RADX: variants seen among roughly 807,000 people sequenced by gnomAD.
RADX encodes the protein RPA1 related single stranded DNA binding protein, X-linked.
RADX carries 36 observed loss-of-function variants against 61.6 expected under a neutral mutation model. The ratio of observed to expected loss-of-function variants is 0.58; its 90% CI spans 0.45 to 0.77. The LOEUF (loss-of-function observed/expected upper bound fraction) is 0.77. Among genes scored for constraint, RADX ranks in the 30% least tolerant of loss-of-function variants. The pLI is 0.00. For missense variants in RADX, 497 were observed against 651.1 expected (o/e 0.76, Z 2.58); for synonymous variants, 272 against 237.9 (o/e 1.14, Z -1.32).
intron 11 of RADX, among the ~76,000 whole-genome samples, chrX:106,654,099 G>A (rs191376460): frequency 7.0e-4 from 78 of 111,352 alleles, no homozygotes; most frequent in African/African-American, 2.4e-3. Context: ...CTAGATCCTT[G>A]AGGAATCACC....
intron 1 of RADX, 100 bp from the exon 2 acceptor site, chrX:106,622,550 CT>C: frequency 5.6e-6 from 4 of 716,409 alleles, no homozygotes; most frequent in Non-Finnish European, 8.4e-6. Flanking sequence ...GAAGGAGTCA[CT>C]TTAGGTATGA....
intron 11 of RADX, among the ~76,000 whole-genome samples, chrX:106,653,418 T>C (rs1300398781): frequency 9.6e-6 from 1 of 103,947 alleles, no homozygotes; most frequent in Non-Finnish European, 1.9e-5. Flanking sequence ...TGAAGGTAGA[T>C]TGTAGTAAAT....
chrX:106,648,470 A>C, intron 11 of RADX, 84 bp downstream of exon 11: 1 of 622,867 alleles, frequency 1.6e-6, no homozygotes, highest in Non-Finnish European at 2.6e-6. Context: ...ACTAAGCACA[A>C]GTAATACATG....
At position 106,678,308 on chromosome X, in the gene RADX, G is replaced by A. The variant is rs778838421; in HGVS notation, c.*50G>A. The A allele has an allele frequency of 1.1e-6, 1 of 879,620 alleles. No individual in the cohort carries two copies. The allele number at this position is 879,620 out of a possible 1,213,427, so 72.5% of individuals were successfully genotyped here. On this transcript the variant is annotated 3_prime_UTR_variant, in exon 14 of 14. Transcript: ENST00000372548. ...GATTATACGAGTGTACTGCTTTAAAGATATTCCATCATTTTGCTGGTAATT... is the reference window on the plus strand; with the variant it reads ...GATTATACGAGTGTACTGCTTTAAAAATATTCCATCATTTTGCTGGTAATT...
chrX:106,624,573 A>G (rs1927034167), intron 2 of RADX, among the ~76,000 whole-genome samples: 1 of 111,807 alleles, frequency 8.9e-6, no homozygotes, highest in Non-Finnish European at 1.9e-5. Context: ...TTGAATTAGT[A>G]AAGGATTTAC....
chrX:106,651,686 C>A (rs1192550417), intron 11 of RADX, among the ~76,000 whole-genome samples: 1 of 110,908 alleles, frequency 9.0e-6, no homozygotes, highest in Non-Finnish European at 1.9e-5. Context: ...ATCATTGTAT[C>A]TTTATGGAAA....
chrX:106,675,948 T>C lies in RADX; in HGVS notation c.2438-2180T>C, dbSNP rs1928500147. On this transcript the variant is annotated intron_variant, in intron 13 of 13. Transcript: ENST00000372548. ...TCAATCCTCAAAATACCCTATGATG[T>C]AGGTACTAGATAAGCAAATTGAGGC... Among the ~76,000 whole-genome samples, 4 of 111,679 alleles carry C rather than the reference T, an allele frequency of 3.6e-5. No homozygotes were observed. In the Admixed American group the frequency reaches 3.8e-4, roughly 11 times the overall value.
At chrX:106,677,695 A>C (rs186922302) in intron 13 of RADX, among the ~76,000 whole-genome samples, 1 of 111,601 alleles carries the variant, frequency 9.0e-6, no homozygotes, top group Non-Finnish European at 1.9e-5. Flanking sequence ...ATATAAGGCA[A>C]ATACAGTTTT....
At chrX:106,639,391 C>T in intron 8 of RADX, 136 bp from the exon 9 acceptor site, 1 of 457,537 alleles carries the variant, frequency 2.2e-6, no homozygotes. Flanking sequence ...AGAAGGATGC[C>T]AGATATAAAC....
chrX:106,645,399 C>T (rs749481340), intron 10 of RADX, among the ~76,000 whole-genome samples: 3 of 110,955 alleles, frequency 2.7e-5, no homozygotes, highest in Non-Finnish European at 3.8e-5. Flanking sequence ...TAGCTGTAAA[C>T]GTCCCTCTTA....
chrX:106,636,657 T>A lies in RADX; in HGVS notation c.1408+10T>A. The A allele has an allele frequency of 5.1e-6, 5 of 975,365 alleles. No homozygotes were observed. The South Asian group carries it at 1.1e-4, about 21-fold the overall frequency. The allele number at this position is 975,365 out of a possible 1,213,427, so 80.4% of individuals were successfully genotyped here. On this transcript the variant is annotated intron_variant, in intron 7 of 13. Transcript: ENST00000372548. ...GGAGTGTTTATTACTGGTGAGTAATTTCTTTGTGTATATTATTAGAAATAT... is the reference window on the plus strand; with the variant it reads ...GGAGTGTTTATTACTGGTGAGTAATATCTTTGTGTATATTATTAGAAATAT...
At chrX:106,654,156 G>A (rs1927869979) in intron 11 of RADX, among the ~76,000 whole-genome samples, 1 of 111,548 alleles carries the variant, frequency 9.0e-6, no homozygotes, top group Non-Finnish European at 1.9e-5. Context: ...CCCACCAACA[G>A]TGTAAAAGCA....
intron 1 of RADX, among the ~76,000 whole-genome samples, chrX:106,619,137 TG>T (rs1375483741): frequency 1.8e-5 from 2 of 111,226 alleles, no homozygotes; most frequent in African/African-American, 6.5e-5. Context: ...TGTTACTGAA[TG>T]TTTTTTTAAA....
intron 1 of RADX, among the ~76,000 whole-genome samples, chrX:106,613,638 G>C (rs1442870496): frequency 8.9e-6 from 1 of 112,077 alleles, no homozygotes; most frequent in East Asian, 2.8e-4. Flanking sequence ...ACGTGTAAGA[G>C]CAACAAACTT....
intron 11 of RADX, among the ~76,000 whole-genome samples, chrX:106,658,569 A>G (rs1248063825): frequency 1.8e-5 from 2 of 112,425 alleles, no homozygotes; most frequent in African/African-American, 3.2e-5. Flanking sequence ...GAAAATTAAA[A>G]GCTAAATGTT....
chrX:106,636,262 T>TA (rs763836278), intron 6 of RADX, among the ~76,000 whole-genome samples: 145 of 111,212 alleles, frequency 1.3e-3, no homozygotes, highest in Admixed American at 2.2e-3. Flanking sequence ...TGTACTTTCT[T>TA]AAAAAAAAGG....
rs1927714298 is a variant in RADX at position 106,648,353 on chromosome X, G to A, written c.1945G>A (p.Gly649Arg). ...PQPGASVQTK[G>R]IKPGMPSIFN... Reference sequence around the variant, plus strand: ...ACCAGGAGCTTCTGTACAAACAAAGGGAATTAAACCGGGCATGCCAAGCAT... The same window carrying A: ...ACCAGGAGCTTCTGTACAAACAAAGAGAATTAAACCGGGCATGCCAAGCAT... The change falls in exon 11 of 14, where the codon GGA becomes AGA. Residue 649 changes from glycine to arginine, a missense_variant. Around this residue, in one of 3 missense-constraint regions of RADX, gnomAD observed 267 missense variants for 306.9 expected, o/e 0.87. Coordinates refer to ENST00000372548, the MANE Select transcript of RADX (RefSeq NM_018015.6). 5.8e-6 allele frequency: 7 copies of A among 1,199,174 alleles called. No individual in the cohort carries two copies. The highest frequency in any genetic ancestry group is 7.9e-6 in the Non-Finnish European group (7 of 886,050).
intron 3 of RADX, among the ~76,000 whole-genome samples, chrX:106,630,802 G>A (rs1179647985): frequency 3.6e-5 from 4 of 111,062 alleles, no homozygotes; most frequent in African/African-American, 1.3e-4. Context: ...AATAACTATC[G>A]AGTACTAGGC....
chrX:106,624,870 G>A (rs1381903914), intron 2 of RADX, among the ~76,000 whole-genome samples: 1 of 111,528 alleles, frequency 9.0e-6, no homozygotes, highest in Admixed American at 9.6e-5. Flanking sequence ...TTTTAATACT[G>A]AGAAAAACTC....
Sources: allele counts gnomAD v4.1 joint callset (sites outside exome capture counted in the v4.1 genomes callset), GRCh38; gene constraint gnomAD v4.1.1; regional missense constraint gnomAD v4.1.1; transcripts MANE v1.5; gene names NCBI Gene and HGNC (gene_info 2026-07-23, HGNC 2026-07-21).